The following MED14 variants were observed in gnomAD, a reference collection of about 807,000 sequenced individuals.
The protein encoded by MED14 is mediator complex subunit 14, also known as mediator of RNA polymerase II transcription subunit 14.
Under a neutral mutation model 109.0 loss-of-function variants are expected in MED14, and 8 were observed. That is an observed-to-expected ratio of 0.07 (90% CI 0.04 to 0.13). MED14 has a LOEUF of 0.13. MED14 is among the 10% of genes least tolerant of loss of function. The pLI, the probability that MED14 is intolerant of heterozygous loss-of-function variation, is 1.00. For synonymous variants in MED14, 399 were observed against 408.7 expected, an observed-to-expected ratio of 0.98 and a Z score of 0.29; for missense variants, 711 against 1,142.4, an observed-to-expected ratio of 0.62 and a Z score of 5.44.
At position 40,712,241 on chromosome X, in the gene MED14, C is replaced by T. The variant is rs1931362243; in HGVS notation, c.834G>A (p.Val278=). The change falls in exon 7 of 31, where the codon GTG becomes GTA. Residue 278 remains valine (V), a synonymous_variant. Transcript: ENST00000324817. ...TCTCATCAGCAAAGAGCCTAGACTG[C>T]ACCAGTTGATGGATGAAGCTGATTT... ...SMQISFIHQL[V]QSRLFADEKP... is the part of the protein sequence containing the mutation. 6 of 1,209,884 alleles carry T rather than the reference C, an allele frequency of 5.0e-6. No individual in the cohort carries two copies. Among genetic ancestry groups the T allele is most frequent in the East Asian group, 3.0e-5 (1 of 33,810 alleles).
intron 15 of MED14, among the ~76,000 whole-genome samples, chrX:40,690,131 TAA>T (rs939662050): frequency 2.7e-5 from 3 of 111,490 alleles, no homozygotes; most frequent in African/African-American, 3.3e-5. Flanking sequence ...AATAACACAA[TAA>T]AAGAGTCCAA....
Position 40,735,484 on chromosome X carries a change from G to A in MED14, c.-72C>T. 1 of 985,559 alleles carries A rather than the reference G, an allele frequency of 1.0e-6. No homozygotes were observed. Among genetic ancestry groups the A allele is most frequent in the Non-Finnish European group, 1.4e-6 (1 of 718,824 alleles). 81.2% of individuals were successfully genotyped at this position (985,559 alleles called of 1,213,427 possible). ...CGAGCCTCCCGGGCGCTCGGTCACCGCGCCGAAACGGGAGCGGGCAGAGTC... is the reference window on the plus strand; with the variant it reads ...CGAGCCTCCCGGGCGCTCGGTCACCACGCCGAAACGGGAGCGGGCAGAGTC... On this transcript the variant is annotated 5_prime_UTR_variant, in exon 1 of 31. Coordinates refer to ENST00000324817, the MANE Select transcript of MED14 (RefSeq NM_004229.4).
chrX:40,655,137 G>A, intron 28 of MED14, 77 bp from the exon 29 acceptor site: 2 of 1,044,640 alleles, frequency 1.9e-6, no homozygotes, highest in Non-Finnish European at 2.6e-6. Flanking sequence ...AGTCTGAGAG[G>A]TTAGAATTTT....
chrX:40,678,559 T>G (rs1340519034), intron 21 of MED14, among the ~76,000 whole-genome samples: 2 of 111,140 alleles, frequency 1.8e-5, no homozygotes, highest in Non-Finnish European at 3.8e-5. Context: ...AAGACAAATG[T>G]GTTTATGCAC....
chrX:40,656,103 T>A (rs970135547), intron 28 of MED14, among the ~76,000 whole-genome samples: 1 of 110,432 alleles, frequency 9.1e-6, no homozygotes, highest in African/African-American at 3.3e-5. Context: ...ATATTTAAAA[T>A]TTTAAATAAT....
Position 40,651,423 on chromosome X carries a change from T to C in MED14, c.*383A>G, listed in dbSNP as rs1928867474. ...ATCACAGTTTTACAGTATTCAAAAA[T>C]GACAGACCTGCCTTAAAAAACAAAA... On this transcript the variant is annotated 3_prime_UTR_variant, in exon 31 of 31. Coordinates refer to ENST00000324817, the MANE Select transcript of MED14 (RefSeq NM_004229.4). 6.6e-6 allele frequency: 5 copies of C among 760,432 alleles called. No individual in the cohort carries two copies. Among genetic ancestry groups the C allele is most frequent in the Non-Finnish European group, 7.8e-6 (5 of 643,553 alleles). 62.7% of individuals were successfully genotyped at this position (760,432 alleles called of 1,213,427 possible).
chrX:40,698,636 T>A (rs1930809187), intron 12 of MED14, among the ~76,000 whole-genome samples: 2 of 112,381 alleles, frequency 1.8e-5, no homozygotes, highest in African/African-American at 6.5e-5. Flanking sequence ...TGCACATTAT[T>A]TAAAAAAGTA....
At position 40,664,500 on chromosome X, in the gene MED14, G is replaced by T; in HGVS notation, c.3266-11C>A. ...TAGGGTCAAGAGTTCCTATAAAAAA[G>T]GTAAACAAATGATTCTCAAAACCTA... On this transcript the variant is annotated splice_polypyrimidine_tract_variant and intron_variant, in intron 24 of 30. Transcript: ENST00000324817. 1.9e-6 allele frequency: 2 copies of T among 1,026,472 alleles called. No homozygotes were observed. The highest frequency in any genetic ancestry group is 2.5e-6 in the Non-Finnish European group (2 of 791,274). The allele number at this position is 1,026,472 out of a possible 1,213,427, so 84.6% of individuals were successfully genotyped here.
chrX:40,664,450 G>A lies in MED14; in HGVS notation c.3305C>T (p.Pro1102Leu), dbSNP rs749532850. The A allele has an allele frequency of 8.5e-7, 1 of 1,175,370 alleles. No individual in the cohort carries two copies. The change falls in exon 25 of 31, where the codon CCA becomes CTA. Residue 1102 changes from proline to leucine, a missense_variant. Transcript: ENST00000324817. ...TGGCCAGTTCCCTGCTCGTCCACTT[G>A]GTGACACCATAGTGTATGGGGAACT... ...DPSSPYTMVS[P>L]SGRAGNWPGS...
Position 40,650,610 on chromosome X carries a change from G to C in MED14, c.*1196C>G. ...CTGACTGACTAGGAAAGACAGCACA[G>C]TGCTCCAAAAAGAAACCCTGCAGAG... On this transcript the variant is annotated 3_prime_UTR_variant, in exon 31 of 31. Coordinates refer to ENST00000324817, the MANE Select transcript of MED14 (RefSeq NM_004229.4). 2 of 754,085 alleles carry C rather than the reference G, an allele frequency of 2.7e-6. No individual in the cohort carries two copies. Among genetic ancestry groups the C allele is most frequent in the African/African-American group, 4.6e-5 (2 of 43,765 alleles). 62.1% of individuals were successfully genotyped at this position (754,085 alleles called of 1,213,427 possible).
intron 10 of MED14, among the ~76,000 whole-genome samples, chrX:40,707,829 T>C (rs1475710131): frequency 8.9e-6 from 1 of 111,917 alleles, no homozygotes; most frequent in East Asian, 2.8e-4. Context: ...GATTAAAATG[T>C]TCTAAAATCA....
At chrX:40,660,927 T>A (rs1395820971) in intron 26 of MED14, among the ~76,000 whole-genome samples, 2 of 113,004 alleles carry the variant, frequency 1.8e-5, no homozygotes, top group African/African-American at 6.4e-5. Flanking sequence ...TCTTTTTTTA[T>A]TTTTTGAGAC....
chrX:40,690,451 G>A (rs1397256321), intron 15 of MED14, among the ~76,000 whole-genome samples: 2 of 110,912 alleles, frequency 1.8e-5, no homozygotes, highest in Non-Finnish European at 3.8e-5. Flanking sequence ...AAGGAGTCTC[G>A]CTCTGTCACC....
chrX:40,677,139 A>G (rs2146647444), intron 21 of MED14, among the ~76,000 whole-genome samples: 1 of 112,206 alleles, frequency 8.9e-6, no homozygotes, highest in African/African-American at 3.2e-5. Context: ...GAGAAGGACT[A>G]CTATATAAAA....
intron 1 of MED14, among the ~76,000 whole-genome samples, chrX:40,730,484 G>A (rs951935425): frequency 1.8e-5 from 2 of 111,468 alleles, no homozygotes; most frequent in African/African-American, 3.3e-5. Context: ...GGGAGAATGA[G>A]AACGATGGGT....
chrX:40,668,599 T>G (rs1458267929), intron 23 of MED14, among the ~76,000 whole-genome samples: 1 of 111,240 alleles, frequency 9.0e-6, no homozygotes, highest in Non-Finnish European at 1.9e-5. Flanking sequence ...ATAATTACCT[T>G]TAATATCAGC....
At chrX:40,659,759 CAA>C (rs1356451671) in intron 26 of MED14, 152 bp from the exon 27 acceptor site, 1 of 439,653 alleles carries the variant, frequency 2.3e-6, no homozygotes. Context: ...GGCAACACTG[CAA>C]AAAGAGATGC....
chrX:40,701,055 T>C (rs1930917578), intron 12 of MED14, 110 bp downstream of exon 12: 1 of 479,122 alleles, frequency 2.1e-6, no homozygotes, highest in Admixed American at 4.4e-5. Context: ...TTAAGTTTCA[T>C]GTCATAAACC....
intron 26 of MED14, among the ~76,000 whole-genome samples, chrX:40,661,507 C>T (rs191989115): frequency 6.8e-4 from 76 of 112,591 alleles, no homozygotes; most frequent in African/African-American, 2.2e-3. Context: ...CCACTGTGCC[C>T]GGCCTAAACA....
Sources: gnomAD v4.1 joint callset for allele counts (sites outside exome capture counted in the v4.1 genomes callset) on GRCh38, gnomAD v4.1.1 for gene constraint, MANE v1.5 for transcripts, NCBI Gene and HGNC (gene_info 2026-07-23, HGNC 2026-07-21) for gene names.